The following CASP4 variants were observed in gnomAD, a reference collection of about 807,000 sequenced individuals.
The protein encoded by CASP4 is caspase 4.
CASP4 carries 29 observed loss-of-function variants against 41.3 expected under a neutral mutation model. The observed-to-expected ratio is 0.70, with a 90% CI of 0.52 to 0.96. The LOEUF (loss-of-function observed/expected upper bound fraction) is 0.96, where lower values mean the gene tolerates loss of function less well. Among genes scored for constraint, CASP4 ranks in the 40% least tolerant of loss-of-function variants. The pLI is 0.00. For missense variants in CASP4, 447 were observed against 460.6 expected, an observed-to-expected ratio of 0.97 and a Z score of 0.27; for synonymous variants, 185 against 158.4, an observed-to-expected ratio of 1.17 and a Z score of -1.26.
rs765254115 is a variant in CASP4, at chr11:104,944,749, A to G, written c.*4T>C. 3 of 1,587,376 alleles carry G rather than the reference A, an allele frequency of 1.9e-6. No individual in the cohort carries two copies. Among genetic ancestry groups the G allele is most frequent in the Non-Finnish European group, 2.6e-6 (3 of 1,155,912 alleles). ...CACCAACAACTCTCAATACTTAACCATTTTCAATTGCCAGGAAAGAGGTAG... is the reference window on the plus strand; with the variant it reads ...CACCAACAACTCTCAATACTTAACCGTTTTCAATTGCCAGGAAAGAGGTAG... On this transcript the variant is annotated splice_region_variant and 3_prime_UTR_variant, in exon 8 of 9. Transcript: ENST00000444739.
At chr11:104,949,827 G>A (rs745614573) in intron 4 of CASP4, 50 bp from the exon 5 acceptor site, 7 of 1,558,646 alleles carry the variant, frequency 4.5e-6, no homozygotes, top group Admixed American at 3.4e-5. Context: ...CACAATTAAA[G>A]GGGACTCCTA....
intron 7 of CASP4, among the ~76,000 whole-genome samples, chr11:104,945,942 G>T (rs1301667402): frequency 6.6e-6 from 1 of 151,962 alleles, no homozygotes; most frequent in Non-Finnish European, 1.5e-5. Context: ...CGCTTCCTGA[G>T]CTCAAGCGAT....
rs55823163 is a variant in CASP4 at position 104,957,176 on chromosome 11, T to C, written c.8-2175A>G. 1.7e-3 allele frequency among the ~76,000 whole-genome samples: 265 copies of C among 152,120 alleles called. 1 individual carries two copies. Among genetic ancestry groups the C allele is most frequent in the Middle Eastern group, 0.01 (3 of 294 alleles). ...AAAACCCTAAAGGATCCACCAAAAA[T>C]CTTTTAGAACAAATAAACAGATTCA... On this transcript the variant is annotated intron_variant, in intron 1 of 8. Coordinates refer to ENST00000444739, the MANE Select transcript of CASP4 (RefSeq NM_001225.4).
intron 7 of CASP4, among the ~76,000 whole-genome samples, chr11:104,946,473 G>A (rs1448840245): frequency 6.6e-6 from 1 of 152,182 alleles, no homozygotes; most frequent in Non-Finnish European, 1.5e-5. Flanking sequence ...GTGGGTAGAT[G>A]TACGAGCTAT....
At position 104,963,127 on chromosome 11, in the gene CASP4, C is replaced by T. The variant is rs56148606; in HGVS notation, c.7+5392G>A. 8.5e-3 allele frequency among the ~76,000 whole-genome samples: 1,300 copies of T among 152,320 alleles called. 17 individuals carry two copies. Among genetic ancestry groups the T allele is most frequent in the Middle Eastern group, 0.024 (7 of 294 alleles). On this transcript the variant is annotated intron_variant, in intron 1 of 8. Transcript: ENST00000444739. ...TGTTAAGAGCACTAAGGTTAAAAGT[C>T]AGCTTAATTAAAAGTGAATAAACAA...
At chr11:104,960,329 T>C (rs922234244) in intron 1 of CASP4, among the ~76,000 whole-genome samples, 1 of 152,182 alleles carries the variant, frequency 6.6e-6, no homozygotes, top group African/African-American at 2.4e-5. Flanking sequence ...TATCTGTCTA[T>C]CCTTCAAGTA....
chr11:104,965,714 T>C (rs1445400341), intron 1 of CASP4, among the ~76,000 whole-genome samples: 2 of 152,218 alleles, frequency 1.3e-5, no homozygotes, highest in Non-Finnish European at 2.9e-5. Flanking sequence ...AGTCTCCCTT[T>C]GCAGGACTAA....
intron 1 of CASP4, among the ~76,000 whole-genome samples, chr11:104,965,936 A>G (rs1860965523): frequency 6.6e-6 from 1 of 152,188 alleles, no homozygotes; most frequent in African/African-American, 2.4e-5. Context: ...CATCACACCC[A>G]GGAAGAGAAC....
Position 104,968,556 on chromosome 11 carries a change from T to C in CASP4, c.-31A>G, listed in dbSNP as rs2134665300. On this transcript the variant is annotated 5_prime_UTR_variant, in exon 1 of 9. Transcript: ENST00000444739. ...ACAGCCTCTGTCCTTTTTTACAGCG[T>C]TGGAAAGAGCCTCAGAGTCAAAAAT... 1.2e-6 allele frequency: 2 copies of C among 1,612,196 alleles called. No individual in the cohort carries two copies. Among genetic ancestry groups the C allele is most frequent in the East Asian group, 4.5e-5 (2 of 44,844 alleles).
In CASP4 at chr11:104,954,936, C is replaced by T; in HGVS notation, c.73G>A (p.Val25Ile). Residue 25 changes from valine to isoleucine, a missense_variant, in exon 2 of 9, where the codon GTT becomes ATT. Coordinates refer to ENST00000444739, the MANE Select transcript of CASP4 (RefSeq NM_001225.4). ...TTTTGTTCCACCAAGTTATCCAAAA[C>T]ACCAGTGAGGAAATCTTTGCCCAGG... ...ESLGKDFLTG[V>I]LDNLVEQNVL... 1 of 1,613,676 alleles carries T rather than the reference C, an allele frequency of 6.2e-7. No homozygotes were observed. Among genetic ancestry groups the T allele is most frequent in the Non-Finnish European group, 8.5e-7 (1 of 1,179,736 alleles).
chr11:104,957,443 G>A (rs1860761501), intron 1 of CASP4, among the ~76,000 whole-genome samples: 1 of 152,068 alleles, frequency 6.6e-6, no homozygotes, highest in Non-Finnish European at 1.5e-5. Context: ...ATAGTAGCAT[G>A]TGTCTATAGT....
At position 104,960,413 on chromosome 11, in the gene CASP4, T is replaced by TC. The variant is rs571110474; in HGVS notation, c.8-5413dup. On this transcript the variant is annotated intron_variant, in intron 1 of 8. Transcript: ENST00000444739. ...AGGAGACAGCATCAGAGATATATGC[T>TC]CCTAGGGCACCTTGTATCTCCTTAG... 3.7e-3 allele frequency among the ~76,000 whole-genome samples: 559 copies of TC among 152,268 alleles called. 3 individuals carry two copies. The highest frequency in any genetic ancestry group is 0.017 in the Middle Eastern group (5 of 294).
At chr11:104,968,268 C>A (rs1211171188) in intron 1 of CASP4, among the ~76,000 whole-genome samples, 2 of 152,214 alleles carry the variant, frequency 1.3e-5, no homozygotes, top group Non-Finnish European at 2.9e-5. Context: ...TTTCTTTACC[C>A]TCCCTTTGAT....
chr11:104,946,361 GTTGAA>G (rs1860459233), intron 7 of CASP4, among the ~76,000 whole-genome samples: 2 of 152,144 alleles, frequency 1.3e-5, no homozygotes, highest in African/African-American at 4.8e-5. Context: ...TGCCAGGTTT[GTTGAA>G]TTGCTGAGCA....
At chr11:104,948,780 A>T (rs914178594) in intron 5 of CASP4, 104 bp from the exon 6 acceptor site, 23 of 959,300 alleles carry the variant, frequency 2.4e-5, no homozygotes, top group Non-Finnish European at 3.5e-5. Flanking sequence ...CTAGTTTCAT[A>T]CATACAGACC....
chr11:104,965,200 C>T (rs989494471), intron 1 of CASP4, among the ~76,000 whole-genome samples: 1 of 152,264 alleles, frequency 6.6e-6, no homozygotes, highest in Admixed American at 6.5e-5. Flanking sequence ...TACTCCTCAT[C>T]CTAGGATTTG....
intron 1 of CASP4, among the ~76,000 whole-genome samples, chr11:104,960,396 G>A (rs918829720): frequency 1.3e-5 from 2 of 152,154 alleles, no homozygotes; most frequent in Non-Finnish European, 2.9e-5. Context: ...AGAGGAGACA[G>A]CATCAGAGAT....
intron 7 of CASP4, among the ~76,000 whole-genome samples, chr11:104,945,319 C>G (rs1459845894): frequency 1.3e-5 from 2 of 151,004 alleles, no homozygotes; most frequent in African/African-American, 4.9e-5. Flanking sequence ...ATGGTGCAAC[C>G]TCGGCTCACT....
In CASP4 at chr11:104,948,568, T is replaced by C; in HGVS notation, c.890A>G (p.Glu297Gly). 1.9e-6 allele frequency: 3 copies of C among 1,610,630 alleles called. No homozygotes were observed. Among genetic ancestry groups the C allele is most frequent in the Non-Finnish European group, 2.5e-6 (3 of 1,177,946 alleles). Residue 297 changes from glutamate to glycine, a missense_variant, in exon 6 of 9, where the codon GAG becomes GGG. Coordinates refer to ENST00000444739, the MANE Select transcript of CASP4 (RefSeq NM_001225.4). ...AGAGCAGAAAGCAATGAAGTCCTTC[T>C]CCACGTGGGTCTTGTAAACAGCATC... Reference protein sequence around the residue: ...EEDAVYKTHVEKDFIAFCSST... With the variant: ...EEDAVYKTHVGKDFIAFCSST...
Sources: gnomAD v4.1 joint callset for allele counts (sites outside exome capture counted in the v4.1 genomes callset) on GRCh38, gnomAD v4.1.1 for gene constraint, MANE v1.5 for transcripts, NCBI Gene and HGNC (gene_info 2026-07-23, HGNC 2026-07-21) for gene names.